Variants in CLPB observed in about 807,000 individuals in gnomAD.
CLPB encodes the protein ClpB family mitochondrial disaggregase, also known as mitochondrial disaggregase.
Under a neutral mutation model 78.4 loss-of-function variants are expected in CLPB, and 40 were observed. The observed-to-expected ratio is 0.51, with a 90% CI of 0.40 to 0.66. The LOEUF (loss-of-function observed/expected upper bound fraction) is 0.66, where lower values mean the gene tolerates loss of function less well. Among genes scored for constraint, CLPB ranks in the 30% least tolerant of loss-of-function variants. The pLI, the probability that CLPB is intolerant of heterozygous loss-of-function variation, is 0.00. For synonymous variants in CLPB, 333 were observed against 348.0 expected (o/e 0.96, Z 0.48); for missense variants, 780 against 886.9 (o/e 0.88, Z 1.53).
intron 1 of CLPB, among the ~76,000 whole-genome samples, chr11:72,431,950 G>A (rs1328464134): frequency 6.6e-6 from 1 of 152,194 alleles, no homozygotes; most frequent in Non-Finnish European, 1.5e-5. Context: ...ATAAAGTCCA[G>A]TTGGGAACCC....
chr11:72,339,273 G>A (rs1950374769), intron 5 of CLPB, among the ~76,000 whole-genome samples: 1 of 152,188 alleles, frequency 6.6e-6, no homozygotes, highest in Non-Finnish European at 1.5e-5. Context: ...GATTGTTCTG[G>A]GAAATGTGAT....
intron 3 of CLPB, among the ~76,000 whole-genome samples, chr11:72,402,691 C>T (rs1183597885): frequency 6.6e-6 from 1 of 152,256 alleles, no homozygotes; most frequent in Non-Finnish European, 1.5e-5. Flanking sequence ...CCAATTACAA[C>T]AGGCTTCCAA....
chr11:72,426,731 G>C (rs111929740), intron 2 of CLPB, among the ~76,000 whole-genome samples: 1 of 152,180 alleles, frequency 6.6e-6, no homozygotes, highest in African/African-American at 2.4e-5. Context: ...GGTAAAAGAC[G>C]GTAGAGAACA....
At chr11:72,310,777 G>T (rs1428084690) in intron 7 of CLPB, among the ~76,000 whole-genome samples, 2 of 152,194 alleles carry the variant, frequency 1.3e-5, no homozygotes, top group Admixed American at 1.3e-4. Flanking sequence ...GGGTTCTGCA[G>T]GGTATCATGT....
chr11:72,307,666 C>T (rs1949768907), intron 8 of CLPB, among the ~76,000 whole-genome samples: 1 of 152,226 alleles, frequency 6.6e-6, no homozygotes, highest in African/African-American at 2.4e-5. Context: ...CCTGGAACCA[C>T]ATGGCAGATA....
intron 5 of CLPB, among the ~76,000 whole-genome samples, chr11:72,352,236 C>G (rs1950627376): frequency 6.6e-6 from 1 of 152,176 alleles, no homozygotes; most frequent in African/African-American, 2.4e-5. Context: ...TGTGACCATC[C>G]CACAATTTAT....
At chr11:72,421,871 G>C (rs530110295) in intron 2 of CLPB, among the ~76,000 whole-genome samples, 1 of 152,174 alleles carries the variant, frequency 6.6e-6, no homozygotes, top group East Asian at 1.9e-4. Flanking sequence ...CAGGCACTAC[G>C]CCACTCTGTA....
intron 7 of CLPB, among the ~76,000 whole-genome samples, chr11:72,316,506 C>T (rs1949945105): frequency 6.6e-6 from 1 of 152,170 alleles, no homozygotes; most frequent in Non-Finnish European, 1.5e-5. Context: ...TGGGTCTGCA[C>T]AGGCAGGAGG....
chr11:72,363,724 T>A (rs994107740), intron 4 of CLPB, among the ~76,000 whole-genome samples: 1 of 152,156 alleles, frequency 6.6e-6, no homozygotes, highest in African/African-American at 2.4e-5. Flanking sequence ...GCAATGCTGG[T>A]CGGTGGTAGG....
intron 15 of CLPB, 121 bp from the exon 16 acceptor site, chr11:72,293,736 C>T (rs569525449): frequency 4.7e-6 from 6 of 1,273,160 alleles, no homozygotes; most frequent in Middle Eastern, 2.5e-4. Context: ...TCAGCTTTCT[C>T]ATTTGCCAAT....
chr11:72,406,124 G>A (rs369476781), intron 2 of CLPB, among the ~76,000 whole-genome samples: 3 of 152,106 alleles, frequency 2.0e-5, no homozygotes, highest in Admixed American at 6.5e-5. Flanking sequence ...TTTGAAGGGC[G>A]AAGAGTACAA....
intron 5 of CLPB, among the ~76,000 whole-genome samples, chr11:72,332,202 G>A (rs1590806071): frequency 1.3e-5 from 2 of 151,764 alleles, no homozygotes; most frequent in East Asian, 3.9e-4. Flanking sequence ...ATAATTCAAG[G>A]CCGGGCACAG....
At chr11:72,403,273 C>T (rs1164423387) in intron 2 of CLPB, among the ~76,000 whole-genome samples, 3 of 152,154 alleles carry the variant, frequency 2.0e-5, no homozygotes, top group Non-Finnish European at 4.4e-5. Context: ...GCTCCTCTGG[C>T]CATTCTGTCC....
intron 2 of CLPB, among the ~76,000 whole-genome samples, chr11:72,409,340 T>G (rs1478582929): frequency 6.6e-6 from 1 of 152,010 alleles, no homozygotes; most frequent in Non-Finnish European, 1.5e-5. Context: ...TCCCAGCACT[T>G]TGAGAGGCCG....
At chr11:72,300,385 C>T (rs1949634062) in intron 11 of CLPB, among the ~76,000 whole-genome samples, 1 of 152,194 alleles carries the variant, frequency 6.6e-6, no homozygotes, top group South Asian at 2.1e-4. Context: ...TCCAAGAGGG[C>T]ACATTCGGGT....
At chr11:72,405,013 T>C (rs1438837983) in intron 2 of CLPB, among the ~76,000 whole-genome samples, 1 of 152,180 alleles carries the variant, frequency 6.6e-6, no homozygotes, top group East Asian at 1.9e-4. Flanking sequence ...AGAGAGCGCA[T>C]GGTTCTGATC....
intron 2 of CLPB, among the ~76,000 whole-genome samples, chr11:72,412,989 C>A (rs959324222): frequency 1.3e-5 from 2 of 151,876 alleles, no homozygotes; most frequent in Admixed American, 6.6e-5. Context: ...ACACACACAC[C>A]CCTTCAAACA....
intron 2 of CLPB, among the ~76,000 whole-genome samples, chr11:72,427,317 TG>T (rs1487866395): frequency 6.6e-6 from 1 of 151,978 alleles, no homozygotes; most frequent in Non-Finnish European, 1.5e-5. Flanking sequence ...AGAGGTCAAG[TG>T]GGGAAGAAGG....
At position 72,430,316 on chromosome 11, in the gene CLPB, T is replaced by A; in HGVS notation, c.451A>T (p.Ser151Cys). Reference sequence around the variant, plus strand: ...AAGGCCTGGGGTTCAACTCACCTGCTGACTTCTTGCATATTGTTGGCACGG... The same window carrying A: ...AAGGCCTGGGGTTCAACTCACCTGCAGACTTCTTGCATATTGTTGGCACGG... Reference protein sequence around the residue: ...AARANNMQEVSRLLSEGADVN... With the variant: ...AARANNMQEVCRLLSEGADVN... Residue 151 changes from serine (S) to cysteine (C), a missense_variant, in exon 2 of 16, where the codon AGC (serine) becomes TGC (cysteine). Physicochemically the swap from Ser to Cys is moderately radical, Grantham distance 112 (BLOSUM62 -1). Around this residue, in one of 3 missense-constraint regions of CLPB, gnomAD observed 417 missense variants for 414.7 expected, o/e 1.01. Transcript: ENST00000538039. 1.2e-6 allele frequency: 2 copies of A among 1,613,216 alleles called. No individual in the cohort carries two copies. Among genetic ancestry groups the A allele is most frequent in the Non-Finnish European group, 1.7e-6 (2 of 1,179,822 alleles).
Sources: allele counts gnomAD v4.1 joint callset (sites outside exome capture counted in the v4.1 genomes callset), GRCh38; gene constraint gnomAD v4.1.1; regional missense constraint gnomAD v4.1.1; transcripts MANE v1.5; gene names NCBI Gene and HGNC (gene_info 2026-07-23, HGNC 2026-07-21).